ANKFN1: variants seen among roughly 807,000 people sequenced by gnomAD.
ANKFN1 encodes the protein ankyrin repeat and fibronectin type-III domain-containing protein 1.
A neutral mutation model predicts 108.7 loss-of-function variants in ANKFN1; 74 were observed. The ratio of observed to expected loss-of-function variants is 0.68; its 90% CI spans 0.56 to 0.83. ANKFN1 has a LOEUF of 0.83. Ranked by LOEUF, ANKFN1 falls within the 40% of genes least tolerant of loss-of-function variation. The probability of loss-of-function intolerance (pLI) is 0.00; values close to 1 mark genes in which losing one functional copy is unlikely to be tolerated. For synonymous variants in ANKFN1, 547 were observed against 516.2 expected (o/e 1.06, Z -0.81); for missense variants, 1,505 against 1,382.3 (o/e 1.09, Z -1.41).
At chr17:56,445,136 T>C (rs1351856335) in intron 10 of ANKFN1, among the ~76,000 whole-genome samples, 2 of 152,194 alleles carry the variant, frequency 1.3e-5, no homozygotes, top group South Asian at 2.1e-4. Flanking sequence ...AATTCTAAGA[T>C]TAGGATAAAA....
chr17:56,422,580 T>C (rs1250805425), intron 8 of ANKFN1, among the ~76,000 whole-genome samples: 3 of 152,234 alleles, frequency 2.0e-5, no homozygotes, highest in African/African-American at 7.2e-5. Flanking sequence ...GTATCCAATG[T>C]TGGCAAATGC....
At chr17:56,389,285 A>G (rs899841785) in intron 8 of ANKFN1, among the ~76,000 whole-genome samples, 3 of 152,222 alleles carry the variant, frequency 2.0e-5, no homozygotes, top group Admixed American at 1.3e-4. Context: ...GAATTCTACT[A>G]AGTAAAAAAG....
intron 14 of ANKFN1, among the ~76,000 whole-genome samples, chr17:56,463,031 C>T (rs1193701499): frequency 6.6e-6 from 1 of 152,188 alleles, no homozygotes; most frequent in East Asian, 1.9e-4. Context: ...GCATATCAAG[C>T]ACTGTGCAAT....
At chr17:56,235,292 A>G (rs1365504058) in intron 3 of ANKFN1, among the ~76,000 whole-genome samples, 4 of 152,228 alleles carry the variant, frequency 2.6e-5, no homozygotes, top group South Asian at 4.2e-4. Context: ...ATTTTCTCCC[A>G]TGCTGTAGAT....
intron 10 of ANKFN1, among the ~76,000 whole-genome samples, chr17:56,448,641 T>C (rs772912902): frequency 6.6e-6 from 1 of 152,182 alleles, no homozygotes; most frequent in Admixed American, 6.5e-5. Context: ...ATAAAAGCAC[T>C]GGGACTGTGG....
chr17:56,261,376 A>C (rs1436430668), intron 3 of ANKFN1, among the ~76,000 whole-genome samples: 1 of 152,236 alleles, frequency 6.6e-6, no homozygotes, highest in African/African-American at 2.4e-5. Flanking sequence ...GTAGCTCTAT[A>C]ACTCCAGTGA....
chr17:56,304,662 CT>C (rs577449474), intron 3 of ANKFN1, among the ~76,000 whole-genome samples: 164 of 148,248 alleles, frequency 1.1e-3, no homozygotes, highest in African/African-American at 2.7e-3. Flanking sequence ...TTGGTGTTTT[CT>C]TTTTTTTTTA....
intron 4 of ANKFN1, among the ~76,000 whole-genome samples, chr17:56,111,304 A>G (rs1905946810): frequency 1.3e-5 from 2 of 152,264 alleles, no homozygotes; most frequent in African/African-American, 4.8e-5. Flanking sequence ...TGGTCTGCAG[A>G]GAATCAGATG....
chr17:56,390,127 CTA>C (rs2047385000), intron 8 of ANKFN1, among the ~76,000 whole-genome samples: 1 of 151,944 alleles, frequency 6.6e-6, no homozygotes, highest in African/African-American at 2.4e-5. Flanking sequence ...TTTGCTGCAC[CTA>C]TCAGCCCATC....
chr17:56,344,538 C>T (rs189345184), intron 4 of ANKFN1, among the ~76,000 whole-genome samples: 42 of 152,040 alleles, frequency 2.8e-4, no homozygotes, highest in African/African-American at 1.0e-3. Context: ...GAGCATGCTC[C>T]CTGCCCTGTA....
At chr17:56,065,816 C>T (rs145034249) in intron 4 of ANKFN1, among the ~76,000 whole-genome samples, 126 of 152,100 alleles carry the variant, frequency 8.3e-4, no homozygotes, top group African/African-American at 2.8e-3. Flanking sequence ...ACAGTAATAA[C>T]GAAAAAGTTT....
chr17:56,367,744 G>T (rs1322113768), intron 6 of ANKFN1, among the ~76,000 whole-genome samples: 2 of 152,186 alleles, frequency 1.3e-5, no homozygotes, highest in African/African-American at 4.8e-5. Context: ...AGGGAAAAGT[G>T]TCCTGTGGGT....
intron 3 of ANKFN1, among the ~76,000 whole-genome samples, chr17:56,257,722 A>G (rs985201572): frequency 2.6e-5 from 4 of 152,144 alleles, no homozygotes; most frequent in Admixed American, 2.6e-4. Flanking sequence ...TCCTTTGGAC[A>G]ATTCGAGAAA....
intron 4 of ANKFN1, among the ~76,000 whole-genome samples, chr17:56,062,573 T>TTTTTTTTTTTTTTTTTTTTTTC (rs1555589520): frequency 1.4e-4 from 21 of 145,130 alleles, no homozygotes; most frequent in African/African-American, 6.0e-4. Context: ...TTTTTTTTTT[T>TTTTTTTTTTTTTTTTTTTTTTC]CTTTCCATTT....
Position 56,510,434 on chromosome 17 carries a change from A to C in ANKFN1, c.2645-39A>C, listed in dbSNP as rs1238057386. The C allele has an allele frequency of 2.0e-6, 3 of 1,509,556 alleles. No homozygotes were observed. In the Admixed American group the frequency reaches 6.1e-5, roughly 31 times the overall value. 93.5% of individuals were successfully genotyped at this position (1,509,556 alleles called of 1,614,324 possible). ...ATGCCTGTGAAGCAGGCTCTAGCTA[A>C]GACTATATTTTTCCTAACCTCAGTT... On this transcript the variant is annotated intron_variant, in intron 20 of 20. Transcript: ENST00000682825.
intron 1 of ANKFN1, among the ~76,000 whole-genome samples, chr17:56,178,325 A>G (rs1360871019): frequency 2.6e-5 from 4 of 152,236 alleles, no homozygotes; most frequent in Admixed American, 6.5e-5. Flanking sequence ...TCATTTAAAT[A>G]TGCCCCGCTA....
chr17:56,100,728 C>T (rs1157126167), intron 4 of ANKFN1, among the ~76,000 whole-genome samples: 2 of 152,178 alleles, frequency 1.3e-5, no homozygotes, highest in Non-Finnish European at 2.9e-5. Context: ...CCAGCTGAAG[C>T]CTTAGACCTG....
intron 3 of ANKFN1, among the ~76,000 whole-genome samples, chr17:56,313,723 A>G (rs892264412): frequency 6.6e-6 from 1 of 152,354 alleles, no homozygotes; most frequent in Non-Finnish European, 1.5e-5. Flanking sequence ...TTCAAATCTC[A>G]TCTGATCTTC....
At chr17:56,254,432 G>A (rs1839992898) in intron 3 of ANKFN1, among the ~76,000 whole-genome samples, 2 of 152,176 alleles carry the variant, frequency 1.3e-5, no homozygotes, top group Admixed American at 6.5e-5. Context: ...CATTATCTAA[G>A]GGTGGTTAGT....
Sources: gnomAD v4.1 joint callset for allele counts (sites outside exome capture counted in the v4.1 genomes callset) on GRCh38, gnomAD v4.1.1 for gene constraint, MANE v1.5 for transcripts, NCBI Gene and HGNC (gene_info 2026-07-23, HGNC 2026-07-21) for gene names.